Variants in ANKRD28 observed in about 807,000 individuals in gnomAD.
ANKRD28 encodes serine/threonine-protein phosphatase 6 regulatory ankyrin repeat subunit A.
Under a neutral mutation model 126.5 loss-of-function variants are expected in ANKRD28, and 44 were observed. The ratio of observed to expected loss-of-function variants is 0.35; its 90% CI spans 0.27 to 0.45. The LOEUF is 0.45. Ranked by LOEUF, ANKRD28 falls within the 20% of genes least tolerant of loss-of-function variation. The pLI is 1.00. For synonymous variants in ANKRD28, 442 were observed against 468.5 expected, an observed-to-expected ratio of 0.94 and a Z score of 0.73; for missense variants, 1,110 against 1,316.6, an observed-to-expected ratio of 0.84 and a Z score of 2.43.
rs1300420007 is a variant in ANKRD28 at position 15,708,128 on chromosome 3, T to C, written c.1407-64A>G. 5.9e-6 allele frequency: 9 copies of C among 1,513,284 alleles called. No individual in the cohort carries two copies. The South Asian group carries it at 7.3e-5, about 12-fold the overall frequency. 93.7% of individuals were successfully genotyped at this position (1,513,284 alleles called of 1,614,324 possible). A position where few individuals can be genotyped will look rare whatever the true frequency, so the allele number is the denominator to read the frequency against. On this transcript the variant is annotated intron_variant, in intron 13 of 27. Transcript: ENST00000683139. ...GAGACATAACTAGTAAACAAAAGCA[T>C]AGTTGACTCTTACTCCTCCCAGTTA...
At chr3:15,794,668 G>A (rs2060197501) in intron 2 of ANKRD28, among the ~76,000 whole-genome samples, 1 of 152,074 alleles carries the variant, frequency 6.6e-6, no homozygotes, top group Non-Finnish European at 1.5e-5. Flanking sequence ...CTACTGTATC[G>A]TTAAGTCTGA....
rs557319433 is a variant in ANKRD28 at position 15,818,030 on chromosome 3, A to G, written c.28-22724T>C. 2.0e-5 allele frequency among the ~76,000 whole-genome samples: 3 copies of G among 152,332 alleles called. No homozygotes were observed. In the East Asian group the frequency reaches 5.8e-4, roughly 29 times the overall value. On this transcript the variant is annotated intron_variant, in intron 1 of 27. Coordinates refer to the ANKRD28 transcript ENST00000399451. ...TAATACCCCAAAACTCAAAAATACT[A>G]AGGTATAAATTCAACAAAATATGTA...
intron 1 of ANKRD28, among the ~76,000 whole-genome samples, chr3:15,826,292 A>T (rs931822840): frequency 2.0e-5 from 3 of 152,222 alleles, no homozygotes; most frequent in Non-Finnish European, 4.4e-5. Context: ...TGTTACACGC[A>T]CAGATTGTGT....
chr3:15,719,388 T>C (rs1351773356), intron 8 of ANKRD28, among the ~76,000 whole-genome samples: 3 of 152,186 alleles, frequency 2.0e-5, no homozygotes, highest in Non-Finnish European at 4.4e-5. Context: ...GTTTTCTTCA[T>C]ACCACCAGAT....
At chr3:15,807,176 G>A (rs1427122890) in intron 1 of ANKRD28, among the ~76,000 whole-genome samples, 1 of 152,194 alleles carries the variant, frequency 6.6e-6, no homozygotes, top group Non-Finnish European at 1.5e-5. Flanking sequence ...CAGTAGAAGT[G>A]GAAATATCCT....
intron 4 of ANKRD28, among the ~76,000 whole-genome samples, chr3:15,743,555 C>G (rs1276343805): frequency 7.4e-6 from 1 of 134,794 alleles, no homozygotes; most frequent in African/African-American, 3.0e-5. Context: ...AACACACACA[C>G]ACACACACAC....
intron 2 of ANKRD28, among the ~76,000 whole-genome samples, chr3:15,766,642 A>AC (rs1312632348): frequency 6.6e-6 from 1 of 152,044 alleles, no homozygotes; most frequent in South Asian, 2.1e-4. Context: ...ACTGTACTCC[A>AC]CCCTGGGTAA....
Position 15,797,579 on chromosome 3 carries a change from A to AGGG in ANKRD28, c.-1059_-1058insCCC, listed in dbSNP as rs1559551423. 8.1e-6 allele frequency: 8 copies of AGGG among 984,424 alleles called. No individual in the cohort carries two copies. The African/African-American group carries it at 1.4e-4, about 17-fold the overall frequency. 61.0% of individuals were successfully genotyped at this position (984,424 alleles called of 1,614,324 possible). A position where few individuals can be genotyped will look rare whatever the true frequency, so the allele number is the denominator to read the frequency against. On this transcript the variant is annotated 5_prime_UTR_variant, in exon 1 of 28. Transcript: ENST00000683139. ...TCTTTAAAAAAAAAAAGGGGGGGGAAAAACATAGTAGTGTATCATTCCAGT... is the reference window on the plus strand; with the variant it reads ...TCTTTAAAAAAAAAAAGGGGGGGGAAGGGAAACATAGTAGTGTATCATTCCAGT...
intron 6 of ANKRD28, among the ~76,000 whole-genome samples, chr3:15,731,304 GA>G (rs57317762): frequency 0.089 from 13,536 of 151,992 alleles, 665 homozygotes; most frequent in African/African-American, 0.12. Context: ...TCAGTTGTAT[GA>G]AAACAGTTGT....
At chr3:15,712,965 T>C (rs866725516) in intron 10 of ANKRD28, among the ~76,000 whole-genome samples, 4 of 152,200 alleles carry the variant, frequency 2.6e-5, no homozygotes, top group Non-Finnish European at 4.4e-5. Flanking sequence ...CAAAGAATGA[T>C]AAACATAAAT....
intron 27 of ANKRD28, among the ~76,000 whole-genome samples, chr3:15,671,589 G>GTT (rs1266007505): frequency 1.9e-4 from 26 of 133,924 alleles, no homozygotes; most frequent in South Asian, 1.4e-3. Flanking sequence ...TTTTTTTTTT[G>GTT]TTTTTTTTTT....
In ANKRD28 at chr3:15,796,866, C is replaced by T; in HGVS notation, c.-345G>A. 1.0e-6 allele frequency: 1 copy of T among 988,060 alleles called. No homozygotes were observed. The highest frequency in any genetic ancestry group is 1.7e-5 in the African/African-American group (1 of 57,318). 61.2% of individuals were successfully genotyped at this position (988,060 alleles called of 1,614,324 possible). A position where few individuals can be genotyped will look rare whatever the true frequency, so the allele number is the denominator to read the frequency against. On this transcript the variant is annotated 5_prime_UTR_variant, in exon 1 of 28. Coordinates refer to ENST00000683139, the MANE Select transcript of ANKRD28 (RefSeq NM_001349278.2). ...CCAAAATAGTCTTATTGCTCTATCT[C>T]TGAAATTTACTTGCACAAAACAATC...
chr3:15,729,784 G>C (rs369880900), intron 6 of ANKRD28, among the ~76,000 whole-genome samples: 149 of 152,140 alleles, frequency 9.8e-4, no homozygotes, highest in African/African-American at 3.5e-3. Flanking sequence ...AATTAAAGTA[G>C]ATATTTACAG....
Position 15,797,667 on chromosome 3 carries a change from T to C in ANKRD28, c.-1146A>G, listed in dbSNP as rs972182283. ...AACAGTCTTCATTCAGAGAAAAAAA[T>C]AGCAGACTGTGCATCTTCTTTGAGC... On this transcript the variant is annotated 5_prime_UTR_variant, in exon 1 of 28. Coordinates refer to ENST00000683139, the MANE Select transcript of ANKRD28 (RefSeq NM_001349278.2). 24 of 984,992 alleles carry C rather than the reference T, an allele frequency of 2.4e-5. No homozygotes were observed. The highest frequency in any genetic ancestry group is 9.4e-5 in the South Asian group (2 of 21,288). 61.0% of individuals were successfully genotyped at this position (984,992 alleles called of 1,614,324 possible). A position where few individuals can be genotyped will look rare whatever the true frequency, so the allele number is the denominator to read the frequency against.
At chr3:15,788,513 C>T (rs1301866703) in intron 2 of ANKRD28, among the ~76,000 whole-genome samples, 1 of 151,962 alleles carries the variant, frequency 6.6e-6, no homozygotes, top group Admixed American at 6.6e-5. Flanking sequence ...AACTGTTGTA[C>T]AAGTTAAATT....
intron 4 of ANKRD28, among the ~76,000 whole-genome samples, chr3:15,749,169 G>C (rs2057702674): frequency 7.2e-6 from 1 of 139,524 alleles, no homozygotes; most frequent in African/African-American, 2.7e-5. Context: ...GGACTGCAGT[G>C]GCGCAATCTC....
At chr3:15,778,575 A>T (rs554531589) in intron 2 of ANKRD28, among the ~76,000 whole-genome samples, 2 of 152,228 alleles carry the variant, frequency 1.3e-5, no homozygotes, top group East Asian at 3.9e-4. Flanking sequence ...TCCATCTTCA[A>T]AGCCAGCAAG....
chr3:15,792,912 G>A (rs1310141306), intron 2 of ANKRD28, among the ~76,000 whole-genome samples: 1 of 151,966 alleles, frequency 6.6e-6, no homozygotes, highest in Non-Finnish European at 1.5e-5. Flanking sequence ...ACTAAGAAAC[G>A]TGCTGTTTAG....
In ANKRD28 at chr3:15,692,144, TAAAAA is replaced by T. The variant is rs908039642; in HGVS notation, c.1762-1929_1762-1925del. 3.0e-5 allele frequency among the ~76,000 whole-genome samples: 3 copies of T among 98,900 alleles called. No homozygotes were observed. The Admixed American group carries it at 3.2e-4, about 11-fold the overall frequency. The allele number at this position is 98,900 out of a possible 152,430, so 64.9% of individuals were successfully genotyped here. On this transcript the variant is annotated intron_variant, in intron 17 of 27. Transcript: ENST00000683139. ...GACAGAATGAGATTGTATCTCTAAA[TAAAAA>T]AAAAAAAAAAAAAAAAATGAGGTTG...
Sources: gnomAD v4.1 joint callset for allele counts (sites outside exome capture counted in the v4.1 genomes callset) on GRCh38, gnomAD v4.1.1 for gene constraint, MANE v1.5 for transcripts, NCBI Gene and HGNC (gene_info 2026-07-23, HGNC 2026-07-21) for gene names.